Variants in ATXN7 observed in about 807,000 individuals in gnomAD.
ATXN7 encodes the protein ataxin 7.
ATXN7 carries 12 observed loss-of-function variants against 70.5 expected under a neutral mutation model. The ratio of observed to expected loss-of-function variants is 0.17; its 90% CI spans 0.11 to 0.28. ATXN7 has a LOEUF of 0.28. Among genes scored for constraint, ATXN7 ranks in the 10% least tolerant of loss-of-function variants. The pLI is 1.00. For synonymous variants in ATXN7, 498 were observed against 448.7 expected, an observed-to-expected ratio of 1.11 and a Z score of -1.39; for missense variants, 1,256 against 1,131.7, an observed-to-expected ratio of 1.11 and a Z score of -1.58.
At chr3:63,961,747 A>G (rs1424815748) in intron 5 of ATXN7, among the ~76,000 whole-genome samples, 1 of 152,046 alleles carries the variant, frequency 6.6e-6, no homozygotes, top group Admixed American at 6.5e-5. Context: ...AGAAATTATT[A>G]TTTAATATAT....
intron 2 of ATXN7, among the ~76,000 whole-genome samples, chr3:63,909,314 C>T (rs371664280): frequency 5.9e-5 from 9 of 152,008 alleles, no homozygotes; most frequent in Admixed American, 4.6e-4. Context: ...GCCTATAATC[C>T]CAACACTTTT....
At chr3:63,973,115 G>A (rs1263103139) in intron 5 of ATXN7, among the ~76,000 whole-genome samples, 2 of 152,180 alleles carry the variant, frequency 1.3e-5, no homozygotes, top group Non-Finnish European at 2.9e-5. Flanking sequence ...TGAGCTGGTT[G>A]CCCAGGGTCA....
Position 63,995,596 on chromosome 3 carries a change from A to C in ATXN7, c.1774A>C (p.Ser592Arg). 1 of 1,614,188 alleles carries C rather than the reference A, an allele frequency of 6.2e-7. No homozygotes were observed. Among genetic ancestry groups the C allele is most frequent in the Non-Finnish European group, 8.5e-7 (1 of 1,180,044 alleles). ...NSVPTSQCGV[S>R]YLAAATVSTS... is the part of the protein sequence containing the mutation. Reference sequence around the variant, plus strand: ...TGTGCCGACATCACAATGTGGAGTCAGCTATCTGGCAGCAGCCACCGTCTC... The same window carrying C: ...TGTGCCGACATCACAATGTGGAGTCCGCTATCTGGCAGCAGCCACCGTCTC... The change falls in exon 12 of 13, where the codon AGC (serine) becomes CGC (arginine). Residue 592 changes from serine to arginine, a missense_variant. Transcript: ENST00000674280.
intron 4 of ATXN7, among the ~76,000 whole-genome samples, chr3:63,931,812 G>C (rs917587746): frequency 1.3e-5 from 2 of 152,070 alleles, no homozygotes; most frequent in Non-Finnish European, 2.9e-5. Context: ...AGGTGACATG[G>C]GTGGCAGATG....
chr3:63,936,397 A>G (rs543145563), intron 4 of ATXN7, among the ~76,000 whole-genome samples: 1 of 152,316 alleles, frequency 6.6e-6, no homozygotes, highest in Non-Finnish European at 1.5e-5. Context: ...GAAATTTTCA[A>G]GGATTATATT....
chr3:63,966,368 A>AAT (rs2075222259), intron 5 of ATXN7, among the ~76,000 whole-genome samples: 1 of 152,070 alleles, frequency 6.6e-6, no homozygotes. Context: ...ACAGCCATGG[A>AAT]ATTTTTTTTT....
intron 4 of ATXN7, among the ~76,000 whole-genome samples, chr3:63,917,022 C>T (rs1172874761): frequency 2.0e-5 from 3 of 152,032 alleles, no homozygotes; most frequent in South Asian, 2.1e-4. Flanking sequence ...TGGGTTCAAG[C>T]GATTCTCCTA....
At chr3:63,928,124 A>G (rs1199390165) in intron 4 of ATXN7, among the ~76,000 whole-genome samples, 1 of 152,080 alleles carries the variant, frequency 6.6e-6, no homozygotes, top group Admixed American at 6.5e-5. Context: ...TTTCTTCACT[A>G]GTAATTCTGA....
chr3:63,910,752 A>G (rs1253582965), intron 2 of ATXN7, among the ~76,000 whole-genome samples: 1 of 152,152 alleles, frequency 6.6e-6, no homozygotes, highest in Admixed American at 6.5e-5. Flanking sequence ...CCATGGTTTC[A>G]CTTTTTGGAC....
At chr3:63,972,622 T>C (rs1167062640) in intron 5 of ATXN7, among the ~76,000 whole-genome samples, 1 of 152,230 alleles carries the variant, frequency 6.6e-6, no homozygotes. Context: ...GTCTTCTGAG[T>C]TCTGTGAGGA....
At position 63,988,085 on chromosome 3, in the gene ATXN7, T is replaced by C; in HGVS notation, c.1122T>C (p.Ala374=). The change falls in exon 9 of 13, where the codon GCT becomes GCC. Residue 374 remains alanine (A), a synonymous_variant. Transcript: ENST00000674280. ...CACATTCCTTAACCCAGCGCAGGGC[T>C]GTCCAGGGTAGAAGAAAACGATTTG... The part of the protein sequence containing the change: ...CKTHSLTQRR[A]VQGRRKRFDV... 6.2e-7 allele frequency: 1 copy of C among 1,614,148 alleles called. No homozygotes were observed. The highest frequency in any genetic ancestry group is 2.2e-5 in the East Asian group (1 of 44,876).
intron 12 of ATXN7, chr3:63,997,615 C>G (rs1325134344): frequency 6.5e-7 from 1 of 1,549,790 alleles, no homozygotes; most frequent in East Asian, 2.4e-5. Context: ...TTATTTTATT[C>G]ATCAGGATAT....
chr3:63,912,306 A>C (rs1363598535), intron 2 of ATXN7: 1 of 152,094 alleles, frequency 6.6e-6, no homozygotes, highest in African/African-American at 2.4e-5. Flanking sequence ...GAGCAGAAGC[A>C]GGCAGGGGAC....
At chr3:63,953,081 T>A (rs539536625) in intron 5 of ATXN7, among the ~76,000 whole-genome samples, 1 of 152,254 alleles carries the variant, frequency 6.6e-6, no homozygotes, top group South Asian at 2.1e-4. Context: ...GTATGTAGTA[T>A]GATTCTTACC....
intron 1 of ATXN7, chr3:63,865,058 T>C (rs1702366380): frequency 6.6e-6 from 1 of 152,200 alleles, no homozygotes; most frequent in Non-Finnish European, 1.5e-5. Context: ...CCCAAGTAGA[T>C]CTTGCATCTT....
chr3:63,913,313 T>A, intron 4 of ATXN7, 88 bp downstream of exon 4: 8 of 1,323,460 alleles, frequency 6.0e-6, no homozygotes, highest in Non-Finnish European at 8.6e-6. Flanking sequence ...CAGCCCACCA[T>A]ACCGACTCCC....
intron 5 of ATXN7, among the ~76,000 whole-genome samples, chr3:63,954,704 T>G (rs2075011835): frequency 6.9e-6 from 1 of 145,502 alleles, no homozygotes; most frequent in Admixed American, 6.8e-5. Context: ...AAAGTGTTTT[T>G]TTTTTTGTTT....
At chr3:63,953,863 G>C (rs1381109150) in intron 5 of ATXN7, among the ~76,000 whole-genome samples, 4 of 151,984 alleles carry the variant, frequency 2.6e-5, no homozygotes, top group African/African-American at 9.7e-5. Context: ...GGCCAGGCTG[G>C]TCTCGAACTC....
Position 63,894,805 on chromosome 3 carries a change from T to G in ATXN7, c.-110-3594T>G, listed in dbSNP as rs985141226. On this transcript the variant is annotated intron_variant, in intron 1 of 12. Transcript: ENST00000674280. ...TCCCAAAGTGCTAGGATTACAAGCA[T>G]GAGCCACTGTGCCCCAGCCTCAACA... Among the ~76,000 whole-genome samples the G allele has an allele frequency of 3.3e-5, 5 of 152,346 alleles. No homozygotes were observed. In the South Asian group the frequency reaches 8.3e-4, roughly 25 times the overall value.
Sources: gnomAD v4.1 joint callset for allele counts (sites outside exome capture counted in the v4.1 genomes callset) on GRCh38, gnomAD v4.1.1 for gene constraint, MANE v1.5 for transcripts, NCBI Gene and HGNC (gene_info 2026-07-23, HGNC 2026-07-21) for gene names.